Variants in CAMSAP1 observed in about 807,000 individuals in gnomAD.
CAMSAP1 encodes the protein calmodulin-regulated spectrin-associated protein 1.
CAMSAP1 carries 58 observed loss-of-function variants against 143.5 expected under a neutral mutation model. The ratio of observed to expected loss-of-function variants is 0.40; its 90% CI spans 0.33 to 0.50. The LOEUF (loss-of-function observed/expected upper bound fraction) is 0.50, where lower values mean the gene tolerates loss of function less well. Among genes scored for constraint, CAMSAP1 ranks in the 20% least tolerant of loss-of-function variants. CAMSAP1 has a pLI of 0.45. For missense variants in CAMSAP1, 1,969 were observed against 2,115.7 expected (o/e 0.93, Z 1.36); for synonymous variants, 945 against 859.3 (o/e 1.10, Z -1.74).
chr9:135,843,559 T>C (rs1276406939), intron 7 of CAMSAP1, among the ~76,000 whole-genome samples: 1 of 151,644 alleles, frequency 6.6e-6, no homozygotes, highest in African/African-American at 2.4e-5. Context: ...CATTACATAA[T>C]GGTAAAGGGA....
chr9:135,813,408 T>C (rs1321939560), intron 16 of CAMSAP1, among the ~76,000 whole-genome samples: 1 of 152,204 alleles, frequency 6.6e-6, no homozygotes, highest in Non-Finnish European at 1.5e-5. Context: ...AAATAATACG[T>C]ATTTTTTAAA....
chr9:135,891,607 C>T (rs1838292571), intron 1 of CAMSAP1, among the ~76,000 whole-genome samples: 1 of 152,210 alleles, frequency 6.6e-6, no homozygotes, highest in African/African-American at 2.4e-5. Context: ...TAACAGGACC[C>T]AGAAACCAGT....
intron 3 of CAMSAP1, among the ~76,000 whole-genome samples, chr9:135,867,999 T>C (rs1008534388): frequency 6.6e-6 from 1 of 152,072 alleles, no homozygotes; most frequent in Non-Finnish European, 1.5e-5. Context: ...TCCCACCTCA[T>C]CCCACAAAGT....
Position 135,810,018 on chromosome 9 carries a change from C to T in CAMSAP1, c.*1291G>A, listed in dbSNP as rs541725007. ...CAGTTTGAGATAGATTCAAGTAACA[C>T]TCCCAAGAAAATATGTGCAAAACTA... On this transcript the variant is annotated 3_prime_UTR_variant, in exon 17 of 17. Transcript: ENST00000389532. 1 of 152,748 alleles carries T rather than the reference C, an allele frequency of 6.5e-6. No individual in the cohort carries two copies. Among genetic ancestry groups the T allele is most frequent in the African/African-American group, 2.4e-5 (1 of 41,556 alleles). 9.5% of individuals were successfully genotyped at this position (152,748 alleles called of 1,614,324 possible). A position where few individuals can be genotyped will look rare whatever the true frequency, so the allele number is the denominator to read the frequency against.
chr9:135,822,744 T>C lies in CAMSAP1; in HGVS notation c.1917A>G (p.Lys639=), dbSNP rs758392872. ...TATTCAAGTCGCGACTGCCAGTCAT[T>C]TTCCTTCGTACCAAAGGCTGGGGGC... The part of the protein sequence containing the change: ...SEGPQPLVRR[K]MTGSRDLNRT... The change falls in exon 11 of 17, where the codon AAA becomes AAG. Residue 639 remains lysine (K), a synonymous_variant. Transcript: ENST00000389532. This position sits in a 1 kb window ranked among gnomAD's most constrained non-coding sequence, Gnocchi z 6.1. The C allele has an allele frequency of 6.2e-7, 1 of 1,612,674 alleles. No homozygotes were observed. Among genetic ancestry groups the C allele is most frequent in the Non-Finnish European group, 8.5e-7 (1 of 1,179,240 alleles).
At chr9:135,899,704 C>T (rs752002131) in intron 1 of CAMSAP1, among the ~76,000 whole-genome samples, 8 of 152,158 alleles carry the variant, frequency 5.3e-5, no homozygotes, top group South Asian at 4.1e-4. Context: ...CTTTCCCACA[C>T]GGTGTGCACA....
chr9:135,892,724 G>A (rs928748486), intron 1 of CAMSAP1, among the ~76,000 whole-genome samples: 10 of 151,256 alleles, frequency 6.6e-5, no homozygotes, highest in Admixed American at 1.3e-4. Flanking sequence ...GGTGGCATGC[G>A]CCTGTAATCC....
chr9:135,815,931 G>A lies in CAMSAP1; in HGVS notation c.4346C>T (p.Ala1449Val), dbSNP rs763117472. Residue 1449 changes from alanine to valine, a missense_variant, in exon 15 of 17, where the codon GCG becomes GTG. This residue lies in a region of CAMSAP1 where 143 missense variants were observed against 200.6 expected (regional missense o/e 0.71). Transcript: ENST00000389532. Reference protein sequence around the residue: ...SRSTDRDWETASAASSLASVA... With the variant: ...SRSTDRDWETVSAASSLASVA... Reference sequence around the variant, plus strand: ...TGAGGCCAGGGAAGATGCCGCCGACGCGGTCTCCCAGTCTCGGTCTGTGCT... The same window carrying A: ...TGAGGCCAGGGAAGATGCCGCCGACACGGTCTCCCAGTCTCGGTCTGTGCT... 2.2e-5 allele frequency: 35 copies of A among 1,613,696 alleles called. No homozygotes were observed. The highest frequency in any genetic ancestry group is 2.7e-5 in the Non-Finnish European group (32 of 1,179,910).
rs1212402594 is a variant in CAMSAP1 at position 135,810,744 on chromosome 9, T to G, written c.*565A>C. The G allele has an allele frequency of 6.5e-6, 1 of 152,834 alleles. No individual in the cohort carries two copies. The highest frequency in any genetic ancestry group is 1.5e-5 in the Non-Finnish European group (1 of 68,198). 9.5% of individuals were successfully genotyped at this position (152,834 alleles called of 1,614,324 possible). On this transcript the variant is annotated 3_prime_UTR_variant, in exon 17 of 17. Coordinates refer to ENST00000389532, the MANE Select transcript of CAMSAP1 (RefSeq NM_015447.4). ...TAGAATTGGATATAAATGTTGGCAG[T>G]AGACACAACCAATAAATATCATACA...
chr9:135,862,085 CATAG>C (rs1164604640), intron 5 of CAMSAP1, among the ~76,000 whole-genome samples: 3 of 152,212 alleles, frequency 2.0e-5, no homozygotes, highest in African/African-American at 7.2e-5. Context: ...CATTCTGAGA[CATAG>C]ATAAAGTCAC....
chr9:135,866,656 A>G, intron 3 of CAMSAP1, 120 bp from the exon 4 acceptor site: 1 of 629,342 alleles, frequency 1.6e-6, no homozygotes, highest in Non-Finnish European at 2.9e-6. Context: ...AGACATAGGT[A>G]TTGTTTAGGC....
chr9:135,889,952 A>G (rs1838235684), intron 1 of CAMSAP1, among the ~76,000 whole-genome samples: 1 of 152,178 alleles, frequency 6.6e-6, no homozygotes, highest in African/African-American at 2.4e-5. Flanking sequence ...AAGGGCCACA[A>G]CCACTGCAAC....
chr9:135,860,002 C>T (rs879258841), intron 5 of CAMSAP1, among the ~76,000 whole-genome samples: 1 of 144,312 alleles, frequency 6.9e-6, no homozygotes, highest in Non-Finnish European at 1.5e-5. Flanking sequence ...CCCAGGAGTT[C>T]GAGACCAGCC....
intron 5 of CAMSAP1, among the ~76,000 whole-genome samples, chr9:135,860,053 A>AT (rs1449070518): frequency 2.0e-5 from 3 of 150,694 alleles, no homozygotes; most frequent in Non-Finnish European, 4.4e-5. Context: ...AAAAAAAAAA[A>AT]AATAAAAAAA....
intron 7 of CAMSAP1, among the ~76,000 whole-genome samples, chr9:135,845,088 C>T (rs1386833571): frequency 6.6e-6 from 1 of 152,148 alleles, no homozygotes. Flanking sequence ...GGCCAATATC[C>T]CTGATGAACA....
chr9:135,894,353 C>G (rs915510089), intron 1 of CAMSAP1, among the ~76,000 whole-genome samples: 2 of 152,142 alleles, frequency 1.3e-5, no homozygotes, highest in Non-Finnish European at 2.9e-5. Flanking sequence ...GGAAGCCATC[C>G]GAGGGGAGGG....
At position 135,815,233 on chromosome 9, in the gene CAMSAP1, G is replaced by T; in HGVS notation, c.4388-18C>A. The stretch of plus-strand genomic sequence containing the variant: ...CTTGGGACCTAAGAAACGAGGCCAG[G>T]GTTGGTAAAATTATTATTTTAAGGC... On this transcript the variant is annotated intron_variant, in intron 15 of 16. Transcript: ENST00000389532. 6.5e-7 allele frequency: 1 copy of T among 1,546,978 alleles called. No individual in the cohort carries two copies. Among genetic ancestry groups the T allele is most frequent in the Non-Finnish European group, 8.8e-7 (1 of 1,135,646 alleles).
At chr9:135,845,747 G>A (rs1169017279) in intron 7 of CAMSAP1, among the ~76,000 whole-genome samples, 5 of 152,094 alleles carry the variant, frequency 3.3e-5, no homozygotes, top group Admixed American at 3.3e-4. Context: ...GCCAAATCAT[G>A]AGTGAACTCT....
Position 135,818,283 on chromosome 9 carries a change from G to C in CAMSAP1, c.4168+125C>G. On this transcript the variant is annotated intron_variant, in intron 13 of 16. Coordinates refer to ENST00000389532, the MANE Select transcript of CAMSAP1 (RefSeq NM_015447.4). The surrounding 1 kb of genome is among the most constrained non-coding windows in gnomAD (Gnocchi z 7.7). ...CTCAACATTGTCATCCATGAAACGG[G>C]GATAATCATCTCCACCCTTCCCGCC... 8.7e-7 allele frequency: 1 copy of C among 1,154,776 alleles called. No individual in the cohort carries two copies. The allele number at this position is 1,154,776 out of a possible 1,614,324, so 71.5% of individuals were successfully genotyped here.
Sources: allele counts gnomAD v4.1 joint callset (sites outside exome capture counted in the v4.1 genomes callset), GRCh38; gene constraint gnomAD v4.1.1; regional missense constraint gnomAD v4.1.1; non-coding constraint Gnocchi (gnomAD v3.1); transcripts MANE v1.5; gene names NCBI Gene and HGNC (gene_info 2026-07-23, HGNC 2026-07-21).